Variants in STAT3 observed in about 807,000 individuals in gnomAD.
The protein encoded by STAT3 is signal transducer and activator of transcription 3.
A neutral mutation model predicts 114.3 loss-of-function variants in STAT3; 7 were observed. The ratio of observed to expected loss-of-function variants is 0.06; its 90% confidence interval spans 0.03 to 0.11. STAT3 has a LOEUF of 0.11. STAT3 is among the 10% of genes least tolerant of loss of function. The probability of loss-of-function intolerance (pLI) is 1.00; values close to 1 mark genes in which losing one functional copy is unlikely to be tolerated. For missense variants in STAT3, 364 were observed against 960.9 expected (o/e 0.38, Z 8.21); for synonymous variants, 331 against 354.5 (o/e 0.93, Z 0.74).
At position 42,370,053 on chromosome 17, in the gene STAT3, C is replaced by A. The variant is rs534498699; in HGVS notation, c.-24+18226G>T. ...GTGGCGAGATCTCGGTTCACTGTAA[C>A]CTCCACCTCCTGGTTCAAGCGATTC... On this transcript the variant is annotated intron_variant, in intron 1 of 23. Coordinates refer to ENST00000264657, the MANE Select transcript of STAT3 (RefSeq NM_139276.3). 3.1e-4 allele frequency among the ~76,000 whole-genome samples: 47 copies of A among 152,132 alleles called. No individual in the cohort carries two copies. The South Asian group carries it at 9.5e-3, about 31-fold the overall frequency.
rs1302532226 is a variant in STAT3 at position 42,353,344 on chromosome 17, T to C, written c.-23-4805A>G. ...GCCTGGGCAACAGAGTGAGACTGCA[T>C]ATCAAAAAAAAAAAAAAGAAAGAAA... On this transcript the variant is annotated intron_variant, in intron 1 of 23. Coordinates refer to ENST00000264657, the MANE Select transcript of STAT3 (RefSeq NM_139276.3). 6.8e-5 allele frequency among the ~76,000 whole-genome samples: 4 copies of C among 58,802 alleles called. No homozygotes were observed. In the East Asian group the frequency reaches 1.7e-3, roughly 25 times the overall value. The allele number at this position is 58,802 out of a possible 152,430, so 38.6% of individuals were successfully genotyped here.
At chr17:42,316,574 A>C in intron 23 of STAT3, 1 of 1,329,146 alleles carries the variant, frequency 7.5e-7, no homozygotes, top group Non-Finnish European at 1.0e-6. Flanking sequence ...GGTTAAATAA[A>C]ATATATTGTA....
intron 21 of STAT3, among the ~76,000 whole-genome samples, chr17:42,322,064 T>C (rs2081507572): frequency 6.6e-6 from 1 of 152,070 alleles, no homozygotes; most frequent in African/African-American, 2.4e-5. Flanking sequence ...ACTCATGCAC[T>C]CTCTGTGGAG....
intron 21 of STAT3, 114 bp from the exon 22 acceptor site, chr17:42,317,338 C>G: frequency 8.0e-7 from 1 of 1,247,612 alleles, no homozygotes; most frequent in South Asian, 1.3e-5. Flanking sequence ...CATCCTCATG[C>G]CAAGATTGTC....
At chr17:42,381,091 G>A (rs966167853) in intron 1 of STAT3, among the ~76,000 whole-genome samples, 2 of 152,202 alleles carry the variant, frequency 1.3e-5, no homozygotes, top group African/African-American at 4.8e-5. Context: ...AAAACAACAG[G>A]CCCAAGGTCT....
chr17:42,331,591 T>C, intron 10 of STAT3, 60 bp from the exon 11 acceptor site: 1 of 1,369,448 alleles, frequency 7.3e-7, no homozygotes, highest in Non-Finnish European at 1.0e-6. Flanking sequence ...AACCTTTTCT[T>C]GAAGAAATGT....
chr17:42,388,268 A>G lies in STAT3; in HGVS notation c.-24+11T>C. 8.1e-7 allele frequency: 1 copy of G among 1,230,608 alleles called. No homozygotes were observed. Among genetic ancestry groups the G allele is most frequent in the Non-Finnish European group, 1.0e-6 (1 of 987,712 alleles). The allele number at this position is 1,230,608 out of a possible 1,614,324, so 76.2% of individuals were successfully genotyped here. A position where few individuals can be genotyped will look rare whatever the true frequency, so the allele number is the denominator to read the frequency against. Reference sequence around the variant, plus strand: ...GGCCTCCCCAACGGCCCCACCCTGCACCCCCTTCACCTGTTTCTCCGGCAG... The same window carrying G: ...GGCCTCCCCAACGGCCCCACCCTGCGCCCCCTTCACCTGTTTCTCCGGCAG... On this transcript the variant is annotated intron_variant, in intron 1 of 23. Transcript: ENST00000264657.
chr17:42,358,516 C>A (rs9912773), intron 1 of STAT3, among the ~76,000 whole-genome samples: 1 of 152,026 alleles, frequency 6.6e-6, no homozygotes, highest in Non-Finnish European at 1.5e-5. Context: ...TGCCTAAGAA[C>A]AGGTCTGAGC....
At chr17:42,320,568 A>G (rs1206146424) in intron 21 of STAT3, among the ~76,000 whole-genome samples, 1 of 152,014 alleles carries the variant, frequency 6.6e-6, no homozygotes, top group African/African-American at 2.4e-5. Context: ...TTTCTCTACA[A>G]AAAATACAAA....
chr17:42,352,056 G>A (rs929457270), intron 1 of STAT3, among the ~76,000 whole-genome samples: 12 of 151,948 alleles, frequency 7.9e-5, no homozygotes, highest in Non-Finnish European at 1.3e-4. Context: ...ATTTAAAAAT[G>A]TAGGCTGGGC....
chr17:42,334,947 C>A (rs2082171827), intron 8 of STAT3, among the ~76,000 whole-genome samples: 1 of 152,148 alleles, frequency 6.6e-6, no homozygotes. Flanking sequence ...CTCATCCTAA[C>A]TTGTCTATGA....
intron 1 of STAT3, among the ~76,000 whole-genome samples, chr17:42,379,593 G>T (rs1020614565): frequency 6.6e-6 from 1 of 152,032 alleles, no homozygotes; most frequent in African/African-American, 2.4e-5. Context: ...TCAAAATAAG[G>T]TTCCTCCTGT....
intron 1 of STAT3, among the ~76,000 whole-genome samples, chr17:42,384,721 AT>A (rs967422340): frequency 1.3e-5 from 2 of 151,418 alleles, no homozygotes; most frequent in African/African-American, 4.9e-5. Flanking sequence ...GGCCTGGCTA[AT>A]TTTTTTTATT....
chr17:42,375,627 G>C (rs2084406335), intron 1 of STAT3, among the ~76,000 whole-genome samples: 1 of 151,956 alleles, frequency 6.6e-6, no homozygotes, highest in Non-Finnish European at 1.5e-5. Context: ...TTGGGAGTTC[G>C]AGACCAGCCT....
intron 8 of STAT3, 123 bp from the exon 9 acceptor site, chr17:42,334,172 G>T: frequency 8.8e-7 from 1 of 1,131,798 alleles, no homozygotes; most frequent in Non-Finnish European, 1.3e-6. Context: ...TTTTTTTATT[G>T]TGGTGAAATA....
At chr17:42,328,801 G>A (rs2081859108) in intron 14 of STAT3, among the ~76,000 whole-genome samples, 1 of 152,104 alleles carries the variant, frequency 6.6e-6, no homozygotes, top group Non-Finnish European at 1.5e-5. Context: ...CTAGCCTTCC[G>A]TCACATTTAC....
At chr17:42,335,239 C>T (rs2082183314) in intron 8 of STAT3, among the ~76,000 whole-genome samples, 1 of 152,160 alleles carries the variant, frequency 6.6e-6, no homozygotes, top group African/African-American at 2.4e-5. Context: ...CCTCCTACCT[C>T]AGCTTCCTGA....
At chr17:42,364,680 A>ATGG (rs2083684876) in intron 1 of STAT3, among the ~76,000 whole-genome samples, 4 of 152,254 alleles carry the variant, frequency 2.6e-5, no homozygotes, top group African/African-American at 9.6e-5. Context: ...ATGGAGTTTC[A>ATGG]CCATTTTGGC....
At chr17:42,348,132 G>A (rs2082779532) in intron 2 of STAT3, among the ~76,000 whole-genome samples, 2 of 152,076 alleles carry the variant, frequency 1.3e-5, no homozygotes, top group Non-Finnish European at 2.9e-5. Context: ...AAGTAAATGA[G>A]GTCCAAATCA....
Sources: gnomAD v4.1 joint callset for allele counts (sites outside exome capture counted in the v4.1 genomes callset) on GRCh38, gnomAD v4.1.1 for gene constraint, MANE v1.5 for transcripts, NCBI Gene and HGNC (gene_info 2026-07-23, HGNC 2026-07-21) for gene names.